MCTP1: variants seen among roughly 807,000 people sequenced by gnomAD.
MCTP1 encodes multiple C2 and transmembrane domain-containing protein 1.
In MCTP1, 69 loss-of-function variants were observed where a neutral mutation model predicts 120.6. The ratio of observed to expected loss-of-function variants is 0.57; its 90% confidence interval spans 0.47 to 0.70. The LOEUF is 0.70. Ranked by LOEUF, MCTP1 falls within the 30% of genes least tolerant of loss-of-function variation. The probability of loss-of-function intolerance (pLI) is 0.00; values close to 1 mark genes in which losing one functional copy is unlikely to be tolerated. For missense variants in MCTP1, 1,203 were observed against 1,248.8 expected, an observed-to-expected ratio of 0.96 and a Z score of 0.55; for synonymous variants, 529 against 493.1, an observed-to-expected ratio of 1.07 and a Z score of -0.96.
chr5:94,767,599 G>A (rs1773084521), intron 19 of MCTP1, among the ~76,000 whole-genome samples: 1 of 151,958 alleles, frequency 6.6e-6, no homozygotes, highest in Non-Finnish European at 1.5e-5. Context: ...AAAAATCAGT[G>A]GCATTTTTAT....
At chr5:94,993,532 G>A (rs1273118280) in intron 2 of MCTP1, among the ~76,000 whole-genome samples, 4 of 152,134 alleles carry the variant, frequency 2.6e-5, no homozygotes, top group African/African-American at 9.7e-5. Flanking sequence ...GAGATGATTT[G>A]TTTATATTAG....
At chr5:95,017,625 A>G in intron 1 of MCTP1, 141 bp from the exon 2 acceptor site, 1 of 418,880 alleles carries the variant, frequency 2.4e-6, no homozygotes, top group Admixed American at 4.1e-5. Flanking sequence ...ACAGTCTCAT[A>G]ATCACTCAGT....
intron 1 of MCTP1, among the ~76,000 whole-genome samples, chr5:95,095,005 GATT>G (rs1756122715): frequency 5.0e-5 from 4 of 79,552 alleles, no homozygotes; most frequent in East Asian, 4.1e-4. Context: ...TGTTATGTTA[GATT>G]TTTTTTTTTT....
intron 19 of MCTP1, among the ~76,000 whole-genome samples, chr5:94,728,204 T>C (rs1423978367): frequency 6.6e-6 from 1 of 152,166 alleles, no homozygotes; most frequent in East Asian, 1.9e-4. Context: ...TTCAATTTAT[T>C]TGAGGGAGAA....
chr5:95,185,252 C>CA (rs1359140748), intron 1 of MCTP1, among the ~76,000 whole-genome samples: 3 of 152,030 alleles, frequency 2.0e-5, no homozygotes, highest in Non-Finnish European at 2.9e-5. Flanking sequence ...ACAAAGAAAA[C>CA]AAAAAATATA....
chr5:95,027,172 C>T (rs1355698401), intron 1 of MCTP1, among the ~76,000 whole-genome samples: 2 of 152,194 alleles, frequency 1.3e-5, no homozygotes, highest in Non-Finnish European at 2.9e-5. Context: ...AAAGACCTTA[C>T]ACAGAATGGG....
At chr5:94,778,176 C>T (rs1253549574) in intron 19 of MCTP1, among the ~76,000 whole-genome samples, 1 of 151,870 alleles carries the variant, frequency 6.6e-6, no homozygotes, top group Non-Finnish European at 1.5e-5. Flanking sequence ...TACTGTTTTC[C>T]TCCTTTCTTC....
chr5:95,074,733 G>T (rs1015385100), intron 1 of MCTP1, among the ~76,000 whole-genome samples: 2 of 152,130 alleles, frequency 1.3e-5, no homozygotes. Context: ...TCTACGTAGG[G>T]CGTAAAATAT....
At chr5:94,972,725 C>T (rs79350285) in intron 2 of MCTP1, among the ~76,000 whole-genome samples, 1 of 152,084 alleles carries the variant, frequency 6.6e-6, no homozygotes, top group African/African-American at 2.4e-5. Context: ...TAAGAAACAA[C>T]TTTTCAAATA....
chr5:95,229,455 T>C (rs1468774148), intron 1 of MCTP1, among the ~76,000 whole-genome samples: 2 of 152,204 alleles, frequency 1.3e-5, no homozygotes, highest in East Asian at 1.9e-4. Context: ...TTGGGTCTTA[T>C]TCTGCCTTAT....
intron 1 of MCTP1, among the ~76,000 whole-genome samples, chr5:95,122,556 G>A (rs972421386): frequency 4.6e-5 from 7 of 152,172 alleles, no homozygotes; most frequent in South Asian, 4.1e-4. Flanking sequence ...GGGTGGGAAT[G>A]TAAATTAGTA....
intron 2 of MCTP1, among the ~76,000 whole-genome samples, chr5:94,958,886 T>C (rs1055976147): frequency 3.3e-5 from 5 of 151,996 alleles, no homozygotes; most frequent in Admixed American, 2.0e-4. Flanking sequence ...TTCCAAACAA[T>C]AGGAAAAGAG....
intron 1 of MCTP1, among the ~76,000 whole-genome samples, chr5:95,106,228 G>T (rs1401846818): frequency 1.3e-5 from 2 of 152,192 alleles, no homozygotes; most frequent in Non-Finnish European, 2.9e-5. Flanking sequence ...GATGGTTTCA[G>T]GCATGACAAG....
At chr5:94,746,851 G>A (rs1767015983) in intron 19 of MCTP1, among the ~76,000 whole-genome samples, 1 of 152,098 alleles carries the variant, frequency 6.6e-6, no homozygotes, top group African/African-American at 2.4e-5. Context: ...TTCTTACCCT[G>A]TCACTCACAA....
At chr5:94,889,640 T>C (rs1802098659) in intron 11 of MCTP1, among the ~76,000 whole-genome samples, 1 of 152,044 alleles carries the variant, frequency 6.6e-6, no homozygotes, top group Admixed American at 6.6e-5. Context: ...TATAGTTTTA[T>C]TTGCCATTTT....
chr5:94,749,368 T>C (rs531240122), intron 19 of MCTP1, among the ~76,000 whole-genome samples: 6 of 152,162 alleles, frequency 3.9e-5, no homozygotes, highest in Non-Finnish European at 7.4e-5. Flanking sequence ...TTAAAACATC[T>C]TATCGGCCAG....
chr5:94,987,483 G>T (rs1240329932), intron 2 of MCTP1, among the ~76,000 whole-genome samples: 1 of 152,190 alleles, frequency 6.6e-6, no homozygotes, highest in African/African-American at 2.4e-5. Flanking sequence ...GTTCTGCAGA[G>T]TTTTCATGAC....
intron 1 of MCTP1, among the ~76,000 whole-genome samples, chr5:95,265,923 G>A (rs1758845690): frequency 6.6e-6 from 1 of 152,116 alleles, no homozygotes; most frequent in Non-Finnish European, 1.5e-5. Flanking sequence ...CTCAGTCTCT[G>A]GCAAAGGAAT....
At chr5:95,075,337 T>A (rs1363058570) in intron 1 of MCTP1, among the ~76,000 whole-genome samples, 1 of 152,224 alleles carries the variant, frequency 6.6e-6, no homozygotes, top group East Asian at 1.9e-4. Flanking sequence ...TAAATATAAG[T>A]TAACTTCCCC....
Sources: allele counts gnomAD v4.1 joint callset (sites outside exome capture counted in the v4.1 genomes callset), GRCh38; gene constraint gnomAD v4.1.1; transcripts MANE v1.5; gene names NCBI Gene and HGNC (gene_info 2026-07-23, HGNC 2026-07-21).